QRICH1: variants seen among roughly 807,000 people sequenced by gnomAD.
QRICH1 encodes the protein transcriptional regulator QRICH1.
QRICH1 carries 16 observed loss-of-function variants against 87.1 expected under a neutral mutation model. That is an observed-to-expected ratio of 0.18 (90% CI 0.12 to 0.28). The LOEUF is 0.28. Ranked by LOEUF, QRICH1 falls within the 10% of genes least tolerant of loss-of-function variation. The probability of loss-of-function intolerance (pLI) is 1.00; values close to 1 mark genes in which losing one functional copy is unlikely to be tolerated. For missense variants in QRICH1, 647 were observed against 951.7 expected (o/e 0.68, Z 4.21); for synonymous variants, 367 against 368.4 (o/e 1.00, Z 0.05).
chr3:49,071,196 C>A (rs949578218), intron 2 of QRICH1, among the ~76,000 whole-genome samples: 3 of 151,982 alleles, frequency 2.0e-5, no homozygotes, highest in African/African-American at 7.2e-5. Context: ...TCCCGAGTAG[C>A]TGGGACTACA....
intron 2 of QRICH1, among the ~76,000 whole-genome samples, chr3:49,061,571 G>C (rs781676499): frequency 6.6e-6 from 1 of 152,204 alleles, no homozygotes; most frequent in Non-Finnish European, 1.5e-5. Context: ...CAGAAAATGA[G>C]GCCAGGCACA....
chr3:49,057,558 C>T lies in QRICH1; in HGVS notation c.642G>A (p.Gln214=). The T allele has an allele frequency of 6.2e-7, 1 of 1,613,250 alleles. No individual in the cohort carries two copies. The highest frequency in any genetic ancestry group is 2.2e-5 in the East Asian group (1 of 44,864). Reference sequence around the variant, plus strand: ...GTGGTGGGGAAAGGGCACCCACGGTCTGGATTTGGATCTGCTGACCACCAG... The same window carrying T: ...GTGGTGGGGAAAGGGCACCCACGGTTTGGATTTGGATCTGCTGACCACCAG... ...SLAGGQQIQI[Q]TVGALSPPPS... is the part of the protein sequence containing the mutation. Residue 214 remains glutamine, a synonymous_variant, in exon 3 of 10, where the codon CAG becomes CAA. Transcript: ENST00000395443. This position sits in a 1 kb window ranked among gnomAD's most constrained non-coding sequence, Gnocchi z 5.4.
intron 6 of QRICH1, among the ~76,000 whole-genome samples, chr3:49,041,646 T>C (rs1280222828): frequency 2.6e-5 from 4 of 151,900 alleles, no homozygotes; most frequent in Non-Finnish European, 5.9e-5. Flanking sequence ...TTTTTTTTTT[T>C]CTGAGACGGA....
chr3:49,032,919 G>C (rs1161145532), intron 7 of QRICH1, 146 bp from the exon 8 acceptor site: 6 of 1,073,956 alleles, frequency 5.6e-6, no homozygotes, highest in Non-Finnish European at 7.9e-6. Flanking sequence ...TCCAGTGCAG[G>C]AACCACATCA....
chr3:49,085,673 G>A (rs1048804660), intron 1 of QRICH1, among the ~76,000 whole-genome samples: 3 of 151,466 alleles, frequency 2.0e-5, no homozygotes, highest in Non-Finnish European at 4.4e-5. Context: ...CAGGAGAATC[G>A]CTTGAACCTG....
intron 1 of QRICH1, chr3:49,092,216 A>T (rs1366253038): frequency 2.0e-5 from 3 of 152,218 alleles, no homozygotes; most frequent in Non-Finnish European, 4.4e-5. Flanking sequence ...AGAGGAGAAA[A>T]CTGAGCAAGT....
At position 49,050,579 on chromosome 3, in the gene QRICH1, G is replaced by A. The variant is rs563734988; in HGVS notation, c.1339-3333C>T. On this transcript the variant is annotated intron_variant, in intron 3 of 9. Coordinates refer to ENST00000395443, the MANE Select transcript of QRICH1 (RefSeq NM_198880.3). ...TTTTGCATCAGGCCCAGAATACTGC[G>A]ATATATTAAATTACAGTCCAGGGCA... Among the ~76,000 whole-genome samples the A allele has an allele frequency of 2.9e-3, 447 of 152,016 alleles. 4 individuals carry two copies. Among genetic ancestry groups the A allele is most frequent in the African/African-American group, 0.01 (425 of 41,448 alleles).
intron 2 of QRICH1, among the ~76,000 whole-genome samples, chr3:49,069,260 A>T (rs1339893960): frequency 6.6e-6 from 1 of 151,306 alleles, no homozygotes; most frequent in Non-Finnish European, 1.5e-5. Flanking sequence ...CCACCACCAC[A>T]CCTGGCTACT....
chr3:49,056,043 T>G (rs1156257724), intron 3 of QRICH1, among the ~76,000 whole-genome samples: 1 of 152,012 alleles, frequency 6.6e-6, no homozygotes, highest in Non-Finnish European at 1.5e-5. Flanking sequence ...TGGCGCAATC[T>G]CAGCTCACTG....
chr3:49,058,236 G>A (rs542431096), intron 2 of QRICH1, among the ~76,000 whole-genome samples: 3 of 148,838 alleles, frequency 2.0e-5, no homozygotes, highest in East Asian at 2.0e-4. Flanking sequence ...TGCAACCTCC[G>A]CCTGCTGGGA....
Position 49,047,265 on chromosome 3 carries a change from G to A in QRICH1, c.1339-19C>T. On this transcript the variant is annotated intron_variant, in intron 3 of 9. Transcript: ENST00000395443. ...TTTGAGCCTATAGGAGAGAAACCAT[G>A]AAAATGTGTCAATATTGTTTTATAT... is the stretch of plus-strand genomic sequence containing the variant. 2 of 1,592,576 alleles carry A rather than the reference G, an allele frequency of 1.3e-6. No individual in the cohort carries two copies. Among genetic ancestry groups the A allele is most frequent in the Non-Finnish European group, 8.6e-7 (1 of 1,167,436 alleles).
Position 49,031,076 on chromosome 3 carries a change from C to T in QRICH1, c.2139-432G>A, listed in dbSNP as rs977640529. On this transcript the variant is annotated intron_variant, in intron 9 of 9. Coordinates refer to ENST00000395443, the MANE Select transcript of QRICH1 (RefSeq NM_198880.3). The stretch of plus-strand genomic sequence containing the variant: ...ATCTCAGCTCACTGCAACCTCCGCC[C>T]CCTTGGTTGAAGCGATTCTCCTGCC... Among the ~76,000 whole-genome samples, 3 of 151,540 alleles carry T rather than the reference C, an allele frequency of 2.0e-5. No homozygotes were observed. The South Asian group carries it at 6.3e-4, about 32-fold the overall frequency.
At chr3:49,051,367 C>T (rs755175533) in intron 3 of QRICH1, among the ~76,000 whole-genome samples, 2 of 152,128 alleles carry the variant, frequency 1.3e-5, no homozygotes, top group East Asian at 1.9e-4. Context: ...ATCATCCTCC[C>T]GGACCTCCCT....
intron 2 of QRICH1, among the ~76,000 whole-genome samples, chr3:49,061,443 A>G (rs377280509): frequency 1.2e-4 from 19 of 152,214 alleles, no homozygotes; most frequent in African/African-American, 4.1e-4. Flanking sequence ...CATGCAAAAG[A>G]GCATGAAAAG....
At chr3:49,041,660 T>A (rs2093310761) in intron 6 of QRICH1, among the ~76,000 whole-genome samples, 1 of 151,666 alleles carries the variant, frequency 6.6e-6, no homozygotes, top group Non-Finnish European at 1.5e-5. Context: ...AGACGGAGTC[T>A]CACTCTGTCA....
At position 49,036,641 on chromosome 3, in the gene QRICH1, T is replaced by TC. The variant is rs1402470252; in HGVS notation, c.1787-3414_1787-3413insG. ...TTAATTGGACATCACTGAGAGAAGC[T>TC]GATGAACTAACTCATTTTTGTGAAA... On this transcript the variant is annotated intron_variant, in intron 6 of 9. Coordinates refer to ENST00000395443, the MANE Select transcript of QRICH1 (RefSeq NM_198880.3). 2.6e-5 allele frequency among the ~76,000 whole-genome samples: 4 copies of TC among 151,048 alleles called. No homozygotes were observed. In the East Asian group the frequency reaches 7.7e-4, roughly 29 times the overall value.
intron 2 of QRICH1, among the ~76,000 whole-genome samples, chr3:49,065,676 GTCTC>G (rs199514927): frequency 3.8e-4 from 57 of 151,700 alleles, no homozygotes; most frequent in East Asian, 2.5e-3. Flanking sequence ...GCTACCAGGA[GTCTC>G]TCTCTTTTTT....
At chr3:49,082,004 C>T (rs1286209074) in intron 1 of QRICH1, among the ~76,000 whole-genome samples, 6 of 152,130 alleles carry the variant, frequency 3.9e-5, no homozygotes, top group African/African-American at 1.4e-4. Flanking sequence ...GACAGGGTAT[C>T]ACCGTGTTGG....
At chr3:49,050,635 G>C (rs1203563332) in intron 3 of QRICH1, among the ~76,000 whole-genome samples, 1 of 151,986 alleles carries the variant, frequency 6.6e-6, no homozygotes, top group East Asian at 1.9e-4. Context: ...GCGTTGTGAA[G>C]AAAATCTTTG....
Sources: allele counts gnomAD v4.1 joint callset (sites outside exome capture counted in the v4.1 genomes callset), GRCh38; gene constraint gnomAD v4.1.1; non-coding constraint Gnocchi (gnomAD v3.1); transcripts MANE v1.5; gene names NCBI Gene and HGNC (gene_info 2026-07-23, HGNC 2026-07-21).